KLHL29: variants seen among roughly 807,000 people sequenced by gnomAD.
KLHL29 encodes the protein kelch-like protein 29.
A neutral mutation model predicts 80.4 loss-of-function variants in KLHL29; 21 were observed. The observed-to-expected ratio is 0.26, with a 90% confidence interval of 0.19 to 0.38. The LOEUF (loss-of-function observed/expected upper bound fraction) is 0.38, where lower values mean the gene tolerates loss of function less well. Among genes scored for constraint, KLHL29 ranks in the 10% least tolerant of loss-of-function variants. The pLI is 1.00. For missense variants in KLHL29, 867 were observed against 1,223.9 expected (o/e 0.71, Z 4.35); for synonymous variants, 511 against 526.8 (o/e 0.97, Z 0.41).
intron 2 of KLHL29, among the ~76,000 whole-genome samples, chr2:23,548,848 G>A (rs939353363): frequency 1.3e-5 from 2 of 152,144 alleles, no homozygotes; most frequent in East Asian, 1.9e-4. Context: ...TGAGTCTTCC[G>A]GGGGCTATGT....
intron 3 of KLHL29, among the ~76,000 whole-genome samples, chr2:23,598,843 T>A: frequency 6.6e-6 from 1 of 152,136 alleles, no homozygotes. Flanking sequence ...GGCTTGAGGG[T>A]CTAGAACTGC....
At chr2:23,597,278 A>C (rs1668430397) in intron 3 of KLHL29, among the ~76,000 whole-genome samples, 2 of 2,302 alleles carry the variant, frequency 8.7e-4, no homozygotes, top group Non-Finnish European at 7.1e-4. Context: ...CTCGCTCTCA[A>C]TCTATCTCTC....
chr2:23,465,577 G>A (rs1439340769), intron 1 of KLHL29, among the ~76,000 whole-genome samples: 3 of 152,206 alleles, frequency 2.0e-5, no homozygotes. Flanking sequence ...GGCCCCAGCA[G>A]TGACCCCATG....
intron 3 of KLHL29, among the ~76,000 whole-genome samples, chr2:23,566,282 A>G (rs1667588031): frequency 6.6e-6 from 1 of 152,196 alleles, no homozygotes; most frequent in South Asian, 2.1e-4. Flanking sequence ...CCTCCCCAGG[A>G]CACAAGTTCC....
intron 2 of KLHL29, among the ~76,000 whole-genome samples, chr2:23,489,942 AT>A (rs1223668534): frequency 1.3e-5 from 2 of 152,126 alleles, no homozygotes; most frequent in African/African-American, 4.8e-5. Flanking sequence ...TAGGTTCCAC[AT>A]TTGCGTTTGA....
chr2:23,496,541 G>A (rs538182359), intron 2 of KLHL29, among the ~76,000 whole-genome samples: 4 of 152,182 alleles, frequency 2.6e-5, no homozygotes, highest in South Asian at 2.1e-4. Context: ...AGGGTACCCC[G>A]CCAGTGTGCA....
chr2:23,646,289 G>A (rs879760112), intron 5 of KLHL29, among the ~76,000 whole-genome samples: 19 of 152,208 alleles, frequency 1.2e-4, no homozygotes, highest in South Asian at 2.1e-4. Flanking sequence ...CCAGCTGTGC[G>A]TGCCTGATGA....
At chr2:23,502,919 T>A (rs72848085) in intron 2 of KLHL29, among the ~76,000 whole-genome samples, 2,871 of 152,350 alleles carry the variant, frequency 0.019, 85 homozygotes, top group African/African-American at 0.064. Context: ...GCTTGGTTAC[T>A]AAAATTCTAG....
chr2:23,654,550 C>G (rs914917467), intron 5 of KLHL29, among the ~76,000 whole-genome samples: 5 of 152,152 alleles, frequency 3.3e-5, no homozygotes, highest in African/African-American at 1.2e-4. Flanking sequence ...GTGGCCTCCC[C>G]CTGGGTCTTT....
intron 1 of KLHL29, among the ~76,000 whole-genome samples, chr2:23,425,911 G>A (rs1662992743): frequency 6.6e-6 from 1 of 152,198 alleles, no homozygotes; most frequent in East Asian, 1.9e-4. Context: ...GGTGGGAAGA[G>A]GCCGCCCAGG....
intron 5 of KLHL29, among the ~76,000 whole-genome samples, chr2:23,662,516 G>C (rs187610997): frequency 2.0e-5 from 3 of 152,294 alleles, no homozygotes; most frequent in African/African-American, 7.2e-5. Context: ...CTGCTCTCTG[G>C]CGGTTGAGTT....
chr2:23,497,175 G>A (rs987557763), intron 2 of KLHL29, among the ~76,000 whole-genome samples: 4 of 152,138 alleles, frequency 2.6e-5, no homozygotes, highest in Non-Finnish European at 4.4e-5. Flanking sequence ...TCAGTCGGTG[G>A]GTATTTCCGC....
In KLHL29 at chr2:23,642,415, C is replaced by G. The variant is rs775388181; in HGVS notation, c.505C>G (p.Pro169Ala). The change falls in exon 5 of 14, where the codon CCT (proline) becomes GCT (alanine). Residue 169 changes from proline (P) to alanine (A), a missense_variant. Physicochemically the swap from Pro to Ala is conservative, Grantham distance 27. Transcript: ENST00000486442. ...TGCACACTCCTATGGAGTGGCCCAG[C>G]CTCCCACCTTCAGCCCGGCTGTGAA... ...LIAHSYGVAQ[P>A]PTFSPAVNVQ... is the part of the protein sequence containing the mutation. 1 of 1,486,026 alleles carries G rather than the reference C, an allele frequency of 6.7e-7. No homozygotes were observed. Among genetic ancestry groups the G allele is most frequent in the South Asian group, 1.4e-5 (1 of 73,818 alleles). 92.1% of individuals were successfully genotyped at this position (1,486,026 alleles called of 1,614,324 possible). A position where few individuals can be genotyped will look rare whatever the true frequency, so the allele number is the denominator to read the frequency against.
At chr2:23,455,235 C>T (rs1664015312) in intron 1 of KLHL29, among the ~76,000 whole-genome samples, 1 of 152,174 alleles carries the variant, frequency 6.6e-6, no homozygotes, top group South Asian at 2.1e-4. Flanking sequence ...TCCTTGACCT[C>T]TTGTGACTGA....
intron 2 of KLHL29, among the ~76,000 whole-genome samples, chr2:23,524,705 G>A (rs1339152705): frequency 6.6e-6 from 1 of 152,228 alleles, no homozygotes; most frequent in Non-Finnish European, 1.5e-5. Context: ...CCAGTGCTGT[G>A]CATGTGTCCC....
At chr2:23,677,037 G>A (rs920081053) in intron 5 of KLHL29, among the ~76,000 whole-genome samples, 1 of 152,224 alleles carries the variant, frequency 6.6e-6, no homozygotes, top group Non-Finnish European at 1.5e-5. Context: ...CTAAGGGACA[G>A]GGGCACAAAC....
intron 3 of KLHL29, among the ~76,000 whole-genome samples, chr2:23,635,258 T>A (rs566123715): frequency 6.6e-6 from 1 of 152,368 alleles, no homozygotes; most frequent in African/African-American, 2.4e-5. Flanking sequence ...GGGCATCCAC[T>A]GCTCCTGCCT....
intron 1 of KLHL29, among the ~76,000 whole-genome samples, chr2:23,444,469 C>T (rs960137633): frequency 3.9e-5 from 6 of 152,028 alleles, no homozygotes; most frequent in African/African-American, 4.8e-5. Context: ...AGATTACAGG[C>T]GCCTGCCACC....
intron 11 of KLHL29, chr2:23,697,262 T>C (rs905598499): frequency 5.3e-5 from 8 of 152,232 alleles, no homozygotes; most frequent in African/African-American, 1.9e-4. Context: ...ACAAAATCCT[T>C]TTCCCTTGAG....
Sources: gnomAD v4.1 joint callset for allele counts (sites outside exome capture counted in the v4.1 genomes callset) on GRCh38, gnomAD v4.1.1 for gene constraint, MANE v1.5 for transcripts, NCBI Gene and HGNC (gene_info 2026-07-23, HGNC 2026-07-21) for gene names.